SVOPL: variants seen among roughly 807,000 people sequenced by gnomAD.
SVOPL encodes SVOP like.
A neutral mutation model predicts 61.0 loss-of-function variants in SVOPL; 60 were observed. That is an observed-to-expected ratio of 0.98 (90% CI 0.80 to 1.22). The LOEUF (loss-of-function observed/expected upper bound fraction) is 1.22, where lower values mean the gene tolerates loss of function less well. SVOPL is among the 50% of genes most tolerant of loss of function. The pLI is 0.00. For missense variants in SVOPL, 662 were observed against 643.9 expected (o/e 1.03, Z -0.30); for synonymous variants, 279 against 250.0 (o/e 1.12, Z -1.09).
intron 4 of SVOPL, 126 bp from the exon 5 acceptor site, chr7:138,663,271 G>C: frequency 6.7e-7 from 1 of 1,503,312 alleles, no homozygotes; most frequent in Non-Finnish European, 8.9e-7. Flanking sequence ...TAAAGAACAG[G>C]GTTTCACGTT....
At chr7:138,695,211 G>A (rs1200899362) in intron 1 of SVOPL, among the ~76,000 whole-genome samples, 1 of 152,178 alleles carries the variant, frequency 6.6e-6, no homozygotes, top group Non-Finnish European at 1.5e-5. Flanking sequence ...AGCCTACTGT[G>A]GAAGAAAGAC....
intron 13 of SVOPL, among the ~76,000 whole-genome samples, chr7:138,622,106 C>CTATG (rs1563096265): frequency 2.2e-4 from 10 of 45,592 alleles, no homozygotes; most frequent in South Asian, 7.4e-4. Context: ...ATCTATCTAT[C>CTATG]TATCTATCTA....
intron 3 of SVOPL, among the ~76,000 whole-genome samples, chr7:138,672,555 G>T (rs570046605): frequency 6.6e-6 from 1 of 150,960 alleles, no homozygotes; most frequent in African/African-American, 2.4e-5. Flanking sequence ...GACAGTTTCT[G>T]ATCTCAAGCT....
At chr7:138,598,031 G>C (rs76597360) in intron 14 of SVOPL, among the ~76,000 whole-genome samples, 8,242 of 152,026 alleles carry the variant, frequency 0.054, 267 homozygotes, top group African/African-American at 0.088. Context: ...GATGTTACTG[G>C]GTATTTTTCC....
intron 3 of SVOPL, among the ~76,000 whole-genome samples, chr7:138,674,052 G>T (rs2117113585): frequency 6.6e-6 from 1 of 152,130 alleles, no homozygotes; most frequent in East Asian, 1.9e-4. Context: ...GCTGGGCGTG[G>T]TGGCATGTGC....
intron 13 of SVOPL, among the ~76,000 whole-genome samples, chr7:138,621,814 GTATCTATGTATCTATGTATC>G (rs1563095321): frequency 0.014 from 598 of 43,154 alleles, 29 homozygotes; most frequent in African/African-American, 0.044. Flanking sequence ...ATCTATCTAT[GTATCTATGTATCTATGTATC>G]TATCTATCTA....
chr7:138,674,670 C>T (rs1254640050), intron 3 of SVOPL, among the ~76,000 whole-genome samples: 1 of 151,632 alleles, frequency 6.6e-6, no homozygotes, highest in African/African-American at 2.4e-5. Context: ...TCCTGGCTAA[C>T]ACGGTGAAAC....
chr7:138,600,120 T>TA (rs1288075696), intron 14 of SVOPL, among the ~76,000 whole-genome samples: 1 of 152,098 alleles, frequency 6.6e-6, no homozygotes, highest in Non-Finnish European at 1.5e-5. Context: ...AGAAACAATG[T>TA]AAAAACATCT....
intron 14 of SVOPL, among the ~76,000 whole-genome samples, chr7:138,609,045 G>A (rs1798880121): frequency 2.0e-5 from 3 of 152,158 alleles, no homozygotes; most frequent in African/African-American, 7.2e-5. Context: ...GCAAGTACCT[G>A]AGTGGGCAAG....
rs369477517 is a variant in SVOPL, at chr7:138,625,920, T to C, written c.1263+49A>G. ...ATTACCTTTGGATGGACATCCTAAGTAGCTCACCTTACACACCCTTTGTAA... is the reference window on the plus strand; with the variant it reads ...ATTACCTTTGGATGGACATCCTAAGCAGCTCACCTTACACACCCTTTGTAA... On this transcript the variant is annotated intron_variant, in intron 13 of 15. Coordinates refer to ENST00000674285, the MANE Select transcript of SVOPL (RefSeq NM_001139456.2). 202 of 1,588,886 alleles carry C rather than the reference T, an allele frequency of 1.3e-4. 3 individuals are homozygous for C. The highest frequency in any genetic ancestry group is 7.4e-4 in the African/African-American group (55 of 74,538).
rs1190320262 is a variant in SVOPL at position 138,659,932 on chromosome 7, A to C, written c.402T>G (p.Ala134=). The C allele has an allele frequency of 6.4e-7, 1 of 1,551,598 alleles. No individual in the cohort carries two copies. Among genetic ancestry groups the C allele is most frequent in the African/African-American group, 1.4e-5 (1 of 73,122 alleles). ...GGAAGACAAACCAGATGTACGAAGG[A>C]GCAAACGAGGTCAGCAAGGAGAAAT... ...GAYFSLLTSF[A]PSYIWFVFLR... Residue 134 remains alanine (A), a synonymous_variant, in exon 6 of 16, where the codon GCT becomes GCG. Coordinates refer to ENST00000674285, the MANE Select transcript of SVOPL (RefSeq NM_001139456.2).
chr7:138,660,342 G>T, intron 5 of SVOPL: 1 of 1,011,684 alleles, frequency 9.9e-7, no homozygotes, highest in Admixed American at 5.5e-5. Flanking sequence ...AGTACAAGGA[G>T]AACATTTAAG....
chr7:138,622,114 C>G (rs199500822), intron 13 of SVOPL, among the ~76,000 whole-genome samples: 303 of 59,748 alleles, frequency 5.1e-3, no homozygotes, highest in East Asian at 7.7e-3. Context: ...ATCTATCTAT[C>G]TATCTATGTA....
At chr7:138,692,452 G>A (rs1432845732) in intron 1 of SVOPL, among the ~76,000 whole-genome samples, 2 of 151,894 alleles carry the variant, frequency 1.3e-5, no homozygotes, top group African/African-American at 4.8e-5. Flanking sequence ...AACGCTCCAT[G>A]CAAAAAATAT....
intron 9 of SVOPL, among the ~76,000 whole-genome samples, chr7:138,631,717 C>T (rs1584805734): frequency 2.0e-5 from 3 of 152,200 alleles, no homozygotes; most frequent in Non-Finnish European, 2.9e-5. Flanking sequence ...TACAGGTGTA[C>T]ATCAAATCGT....
At chr7:138,649,171 T>A (rs201629281) in intron 7 of SVOPL, 34 bp from the exon 8 acceptor site, 2 of 1,553,208 alleles carry the variant, frequency 1.3e-6, no homozygotes, top group Non-Finnish European at 1.7e-6. Flanking sequence ...TAAAGTTCTT[T>A]GGGGAATTAT....
intron 4 of SVOPL, among the ~76,000 whole-genome samples, chr7:138,665,859 A>G (rs568556079): frequency 4.8e-4 from 73 of 152,316 alleles, no homozygotes; most frequent in African/African-American, 1.7e-3. Flanking sequence ...ACACCCTACC[A>G]AAATGGGATT....
chr7:138,693,270 C>T (rs62485337), intron 1 of SVOPL, among the ~76,000 whole-genome samples: 2 of 151,960 alleles, frequency 1.3e-5, no homozygotes, highest in Non-Finnish European at 2.9e-5. Context: ...CCTTGGGAGG[C>T]CAAGGCGGAA....
rs559698262 is a variant in SVOPL, at chr7:138,636,677, G to T, written c.790-6555C>A. Among the ~76,000 whole-genome samples, 21 of 152,000 alleles carry T rather than the reference G, an allele frequency of 1.4e-4. No individual in the cohort carries two copies. The South Asian group carries it at 4.2e-3, about 30-fold the overall frequency. The stretch of plus-strand genomic sequence containing the variant: ...GTAAAGACAGAGTTTCATCATGTTG[G>T]CCAGGCTGGTCTCGAACTCTTGGCC... On this transcript the variant is annotated intron_variant, in intron 9 of 15. Transcript: ENST00000674285.
Sources: gnomAD v4.1 joint callset for allele counts (sites outside exome capture counted in the v4.1 genomes callset) on GRCh38, gnomAD v4.1.1 for gene constraint, MANE v1.5 for transcripts, NCBI Gene and HGNC (gene_info 2026-07-23, HGNC 2026-07-21) for gene names.